Variants in VANGL1 observed in about 807,000 individuals in gnomAD.
VANGL1 encodes vang-like protein 1.
Under a neutral mutation model 48.4 loss-of-function variants are expected in VANGL1, and 18 were observed. That is an observed-to-expected ratio of 0.37 (90% CI 0.26 to 0.55). The LOEUF is 0.55. Among genes scored for constraint, VANGL1 ranks in the 20% least tolerant of loss-of-function variants. The pLI is 0.81. For missense variants in VANGL1, 667 were observed against 675.8 expected (o/e 0.99, Z 0.14); for synonymous variants, 257 against 261.8 (o/e 0.98, Z 0.18).
chr1:115,686,698 T>C lies in VANGL1; in HGVS notation c.1314+1171T>C, dbSNP rs546632411. 3.9e-5 allele frequency among the ~76,000 whole-genome samples: 6 copies of C among 152,180 alleles called. No homozygotes were observed. In the East Asian group the frequency reaches 1.2e-3, roughly 29 times the overall value. ...CTAAATACTGTAATCTAAAAGACCG[T>C]TTGGTAAAACTGACTCTGTAACACC... On this transcript the variant is annotated intron_variant, in intron 7 of 7. Coordinates refer to ENST00000355485, the MANE Select transcript of VANGL1 (RefSeq NM_138959.3).
intron 3 of VANGL1, among the ~76,000 whole-genome samples, chr1:115,663,176 C>T (rs1264708363): frequency 6.6e-6 from 1 of 152,190 alleles, no homozygotes; most frequent in Admixed American, 6.5e-5. Flanking sequence ...CTTTGCTCTT[C>T]TGGGCTGCTA....
intron 4 of VANGL1, among the ~76,000 whole-genome samples, chr1:115,670,371 G>C (rs1054407399): frequency 5.9e-5 from 9 of 152,192 alleles, no homozygotes; most frequent in African/African-American, 1.9e-4. Flanking sequence ...CTGTTGAATA[G>C]AGCTCATCTT....
chr1:115,684,197 G>A, intron 6 of VANGL1, 121 bp downstream of exon 6: 3 of 1,105,154 alleles, frequency 2.7e-6, no homozygotes, highest in African/African-American at 3.4e-5. Context: ...GGAGTGCAGT[G>A]GCAAGATCTT....
intron 1 of VANGL1, among the ~76,000 whole-genome samples, chr1:115,650,611 A>ATAAGAGTT (rs1652102670): frequency 6.6e-6 from 1 of 152,184 alleles, no homozygotes; most frequent in African/African-American, 2.4e-5. Context: ...ATTCATCATT[A>ATAAGAGTT]TAAGAGTTTC....
At chr1:115,646,499 T>C (rs548579810) in intron 1 of VANGL1, among the ~76,000 whole-genome samples, 1 of 151,102 alleles carries the variant, frequency 6.6e-6, no homozygotes, top group East Asian at 1.9e-4. Flanking sequence ...ATAGCTTTTT[T>C]TTTTTTTTTT....
intron 4 of VANGL1, among the ~76,000 whole-genome samples, chr1:115,678,750 G>C (rs980712675): frequency 6.6e-6 from 1 of 152,040 alleles, no homozygotes; most frequent in Non-Finnish European, 1.5e-5. Context: ...GAGCTCAGGA[G>C]TTCAAGACCA....
At chr1:115,662,546 C>A (rs186502883) in intron 3 of VANGL1, among the ~76,000 whole-genome samples, 2 of 152,248 alleles carry the variant, frequency 1.3e-5, no homozygotes, top group East Asian at 3.9e-4. Context: ...TAACTAGCAA[C>A]GGCCTAGAAG....
intron 4 of VANGL1, among the ~76,000 whole-genome samples, chr1:115,677,673 C>T (rs1240765357): frequency 2.0e-5 from 3 of 152,156 alleles, no homozygotes; most frequent in South Asian, 2.1e-4. Flanking sequence ...GGTATGTTGG[C>T]ATGTGGCACC....
Position 115,691,402 on chromosome 1 carries a change from T to C in VANGL1, c.*23T>C, listed in dbSNP as rs202050152. Reference sequence around the variant, plus strand: ...TAAAAGTTCTATATTTGTGGCTTTATTAAAAAAAAAAGAAAAATATATAGA... The same window carrying C: ...TAAAAGTTCTATATTTGTGGCTTTACTAAAAAAAAAAGAAAAATATATAGA... On this transcript the variant is annotated 3_prime_UTR_variant, in exon 8 of 8. Coordinates refer to ENST00000355485, the MANE Select transcript of VANGL1 (RefSeq NM_138959.3). The C allele has an allele frequency of 3.1e-6, 5 of 1,595,036 alleles. No individual in the cohort carries two copies. In the African/African-American group the frequency reaches 6.8e-5, roughly 22 times the overall value.
chr1:115,681,503 G>GTTGTTTTTTTTTTTTTTTTTTTTT lies in VANGL1; in HGVS notation c.813-859_813-858insGTTTTTTTTTTTTTTTTTTTTTTT. Among the ~76,000 whole-genome samples, 2 of 114,880 alleles carry GTTGTTTTTTTTTTTTTTTTTTTTT rather than the reference G, an allele frequency of 1.7e-5. 1 individual carries two copies. The highest frequency in any genetic ancestry group is 3.6e-5 in the Non-Finnish European group (2 of 55,076). The allele number at this position is 114,880 out of a possible 152,430, so 75.4% of individuals were successfully genotyped here. On this transcript the variant is annotated intron_variant, in intron 4 of 7. Coordinates refer to ENST00000355485, the MANE Select transcript of VANGL1 (RefSeq NM_138959.3). ...CAGCGGAGGCTCTCTTTTTTTTGTT[G>GTTGTTTTTTTTTTTTTTTTTTTTT]TTTTTTTTGTTTTTTTTTTTGAGAC...
In VANGL1 at chr1:115,688,557, G is replaced by A. The variant is rs1054023223; in HGVS notation, c.1315-2562G>A. Among the ~76,000 whole-genome samples, 7 of 138,194 alleles carry A rather than the reference G, an allele frequency of 5.1e-5. 1 individual carries two copies. Among genetic ancestry groups the A allele is most frequent in the African/African-American group, 1.9e-4 (7 of 36,664 alleles). The allele number at this position is 138,194 out of a possible 152,430, so 90.7% of individuals were successfully genotyped here. A position where few individuals can be genotyped will look rare whatever the true frequency, so the allele number is the denominator to read the frequency against. On this transcript the variant is annotated intron_variant, in intron 7 of 7. Coordinates refer to ENST00000355485, the MANE Select transcript of VANGL1 (RefSeq NM_138959.3). The stretch of plus-strand genomic sequence containing the variant: ...TTGTGGTGAATACTTTTTTACATAT[G>A]TATTTGTACAAGTATTTCTGAAGCC...
intron 4 of VANGL1, among the ~76,000 whole-genome samples, chr1:115,665,745 C>T (rs1471129145): frequency 6.6e-6 from 1 of 152,230 alleles, no homozygotes; most frequent in African/African-American, 2.4e-5. Context: ...GCTCTGAAGA[C>T]AAGTAGGTCA....
intron 1 of VANGL1, among the ~76,000 whole-genome samples, chr1:115,642,979 T>C (rs3010377): frequency 0.9 from 137,502 of 152,240 alleles, 62,277 homozygotes; most frequent in African/African-American, 0.98. Flanking sequence ...GACTTGGAGC[T>C]GAGGAATCTG....
At chr1:115,671,583 CTG>C (rs1389515379) in intron 4 of VANGL1, among the ~76,000 whole-genome samples, 1 of 152,210 alleles carries the variant, frequency 6.6e-6, no homozygotes, top group Non-Finnish European at 1.5e-5. Context: ...AAGCAGGCTG[CTG>C]TCTTTGATCC....
At chr1:115,684,332 G>A (rs1653512333) in intron 6 of VANGL1, among the ~76,000 whole-genome samples, 1 of 151,898 alleles carries the variant, frequency 6.6e-6, no homozygotes, top group Admixed American at 6.6e-5. Flanking sequence ...TAGAGATGGG[G>A]TTTCGCTATG....
At chr1:115,674,170 G>T (rs1391003587) in intron 4 of VANGL1, among the ~76,000 whole-genome samples, 1 of 152,186 alleles carries the variant, frequency 6.6e-6, no homozygotes, top group East Asian at 1.9e-4. Context: ...TTTACAGCCT[G>T]TTGTCCCTGG....
At chr1:115,646,261 T>C (rs1199977640) in intron 1 of VANGL1, among the ~76,000 whole-genome samples, 1 of 152,102 alleles carries the variant, frequency 6.6e-6, no homozygotes, top group Non-Finnish European at 1.5e-5. Context: ...TATCTCCCAT[T>C]GTTGACCTTG....
intron 7 of VANGL1, among the ~76,000 whole-genome samples, chr1:115,687,705 C>CTGTG (rs56094677): frequency 0.24 from 27,337 of 112,686 alleles, 6,082 homozygotes; most frequent in Middle Eastern, 0.29. Flanking sequence ...CTCTCTTTCT[C>CTGTG]TGTGTGTGTG....
At chr1:115,665,212 T>A (rs4425985) in intron 4 of VANGL1, among the ~76,000 whole-genome samples, 19,100 of 152,252 alleles carry the variant, frequency 0.13, 1,288 homozygotes, top group South Asian at 0.16. Flanking sequence ...GCCACCCTTA[T>A]ACCTCATTAC....
Sources: gnomAD v4.1 joint callset for allele counts (sites outside exome capture counted in the v4.1 genomes callset) on GRCh38, gnomAD v4.1.1 for gene constraint, MANE v1.5 for transcripts, NCBI Gene and HGNC (gene_info 2026-07-23, HGNC 2026-07-21) for gene names.